Variants in XRCC4 observed in about 807,000 individuals in gnomAD.
XRCC4 encodes X-ray repair cross complementing 4.
Under a neutral mutation model 39.1 loss-of-function variants are expected in XRCC4, and 28 were observed. That is an observed-to-expected ratio of 0.72 (90% CI 0.53 to 0.98). XRCC4 has a LOEUF of 0.98. Among genes scored for constraint, XRCC4 ranks in the 50% least tolerant of loss-of-function variants. XRCC4 has a pLI of 0.00. For missense variants in XRCC4, 350 were observed against 376.4 expected, an observed-to-expected ratio of 0.93 and a Z score of 0.58; for synonymous variants, 123 against 126.4, an observed-to-expected ratio of 0.97 and a Z score of 0.18.
chr5:83,215,763 G>C (rs899508686), intron 6 of XRCC4, among the ~76,000 whole-genome samples: 1 of 151,990 alleles, frequency 6.6e-6, no homozygotes, highest in Admixed American at 6.6e-5. Context: ...TGGACAATTG[G>C]GTATCGACTT....
intron 7 of XRCC4, among the ~76,000 whole-genome samples, chr5:83,313,950 C>T (rs191133898): frequency 7.1e-6 from 1 of 140,868 alleles, no homozygotes; most frequent in Non-Finnish European, 1.5e-5. Context: ...TATTTAATTA[C>T]TACATAGCTT....
chr5:83,144,470 A>C (rs532046659), intron 3 of XRCC4, among the ~76,000 whole-genome samples: 3 of 151,624 alleles, frequency 2.0e-5, no homozygotes, highest in African/African-American at 7.3e-5. Flanking sequence ...CCATGCATGC[A>C]TATACCATAT....
intron 2 of XRCC4, among the ~76,000 whole-genome samples, chr5:83,108,578 T>A (rs1746304914): frequency 6.6e-6 from 1 of 151,876 alleles, no homozygotes; most frequent in African/African-American, 2.4e-5. Context: ...AATGAATGAT[T>A]ACATATTTTC....
At position 83,094,990 on chromosome 5, in the gene XRCC4, T is replaced by C. The variant is rs1226922723; in HGVS notation, c.-10-9920T>C. Among the ~76,000 whole-genome samples, 4 of 152,114 alleles carry C rather than the reference T, an allele frequency of 2.6e-5. No individual in the cohort carries two copies. The East Asian group carries it at 7.7e-4, about 29-fold the overall frequency. On this transcript the variant is annotated intron_variant, in intron 1 of 7. Transcript: ENST00000396027. ...GAGGTGTCATGATTTCCTGAGTCTTTGTAATCCTGTGTCCTTGTGTTGGTG... is the reference window on the plus strand; with the variant it reads ...GAGGTGTCATGATTTCCTGAGTCTTCGTAATCCTGTGTCCTTGTGTTGGTG...
intron 7 of XRCC4, among the ~76,000 whole-genome samples, chr5:83,261,160 A>T (rs527470156): frequency 6.6e-6 from 1 of 151,052 alleles, no homozygotes; most frequent in Admixed American, 6.6e-5. Context: ...TTTTAATGAA[A>T]AAAAGAAGCT....
chr5:83,354,793 C>A (rs1159595424), downstream of XRCC4, among the ~76,000 whole-genome samples: 1 of 152,108 alleles, frequency 6.6e-6, no homozygotes, highest in African/African-American at 2.4e-5. Flanking sequence ...CCTTGCACAT[C>A]CTGTTATTTT....
In XRCC4 at chr5:83,141,843, CAAA is replaced by C. The variant is rs11284035; in HGVS notation, c.315+30651_315+30653del. 3.6e-3 allele frequency among the ~76,000 whole-genome samples: 495 copies of C among 137,702 alleles called. 3 individuals are homozygous for C. The highest frequency in any genetic ancestry group is 0.012 in the African/African-American group (471 of 39,098). 90.3% of individuals were successfully genotyped at this position (137,702 alleles called of 152,430 possible). A position where few individuals can be genotyped will look rare whatever the true frequency, so the allele number is the denominator to read the frequency against. On this transcript the variant is annotated intron_variant, in intron 3 of 7. Coordinates refer to ENST00000396027, the MANE Select transcript of XRCC4 (RefSeq NM_003401.5). ...GGTCTCAGATATTCTGAATCTTGTA[CAAA>C]AAAAAAAAAATGCTGTTTCAATCTG...
downstream of XRCC4, among the ~76,000 whole-genome samples, chr5:83,358,406 C>T (rs1358899399): frequency 6.6e-6 from 1 of 151,998 alleles, no homozygotes; most frequent in Non-Finnish European, 1.5e-5. Flanking sequence ...TTCCTCTCCT[C>T]TATTTAAATA....
chr5:83,300,614 G>T (rs1168032701), intron 7 of XRCC4, among the ~76,000 whole-genome samples: 1 of 145,650 alleles, frequency 6.9e-6, no homozygotes, highest in Admixed American at 7.0e-5. Context: ...TAAGTTCTGG[G>T]ATACATATGC....
In XRCC4 at chr5:83,238,027, G is replaced by T. The variant is rs1580408835; in HGVS notation, c.746-20503G>T. 3.3e-5 allele frequency among the ~76,000 whole-genome samples: 5 copies of T among 152,164 alleles called. No homozygotes were observed. In the South Asian group the frequency reaches 1.0e-3, roughly 32 times the overall value. The stretch of plus-strand genomic sequence containing the variant: ...TAGTAGAAATTGGTAATAGTATTAT[G>T]AAGATAACATAAATTAGCCCAGTAC... On this transcript the variant is annotated intron_variant, in intron 6 of 7. Coordinates refer to ENST00000396027, the MANE Select transcript of XRCC4 (RefSeq NM_003401.5).
rs28383113 is a variant in XRCC4, at chr5:83,077,580, C to A, written c.-46C>A. 2 of 515,328 alleles carry A rather than the reference C, an allele frequency of 3.9e-6. No homozygotes were observed. Among genetic ancestry groups the A allele is most frequent in the Non-Finnish European group, 7.0e-6 (2 of 284,422 alleles). The allele number at this position is 515,328 out of a possible 1,614,324, so 31.9% of individuals were successfully genotyped here. ...CAAAACCTTGATCTGTGAAAGCGGG[C>A]GTTTTGGAAGATACCGGAAGTAGAG... On this transcript the variant is annotated 5_prime_UTR_variant, in exon 1 of 8. Transcript: ENST00000396027.
intron 7 of XRCC4, among the ~76,000 whole-genome samples, chr5:83,315,846 T>G (rs879560433): frequency 1.8e-4 from 28 of 152,176 alleles, no homozygotes; most frequent in Non-Finnish European, 3.5e-4. Context: ...TCATGCCTGC[T>G]AACACAACAT....
chr5:83,296,821 A>G (rs769601339), intron 7 of XRCC4, among the ~76,000 whole-genome samples: 85 of 151,908 alleles, frequency 5.6e-4, no homozygotes, highest in Admixed American at 3.7e-3. Flanking sequence ...AAAATTATAA[A>G]TAGAGATTAC....
chr5:83,220,123 A>C (rs1010720569), intron 6 of XRCC4, among the ~76,000 whole-genome samples: 3 of 152,124 alleles, frequency 2.0e-5, no homozygotes, highest in African/African-American at 7.2e-5. Flanking sequence ...GAAAGGCAAA[A>C]GGTATTGTAC....
chr5:83,271,648 T>C (rs1363647104), intron 7 of XRCC4, among the ~76,000 whole-genome samples: 1 of 152,186 alleles, frequency 6.6e-6, no homozygotes, highest in Non-Finnish European at 1.5e-5. Context: ...AATTTACTAA[T>C]ATAAAATAGA....
chr5:83,320,382 T>TA lies in XRCC4; in HGVS notation c.894-32742dup, dbSNP rs1561473513. On this transcript the variant is annotated intron_variant, in intron 7 of 7. Coordinates refer to ENST00000396027, the MANE Select transcript of XRCC4 (RefSeq NM_003401.5). ...TAAAAAATAAAAAATAAAAAAATAA[T>TA]AAAAAAATAAAAAAAAAAAGAAATA... Among the ~76,000 whole-genome samples the TA allele has an allele frequency of 8.5e-5, 12 of 141,144 alleles. No homozygotes were observed. In the East Asian group the frequency reaches 1.1e-3, roughly 12 times the overall value. The allele number at this position is 141,144 out of a possible 152,430, so 92.6% of individuals were successfully genotyped here.
chr5:83,158,526 A>T (rs1390742551), intron 3 of XRCC4, among the ~76,000 whole-genome samples: 3 of 152,158 alleles, frequency 2.0e-5, no homozygotes, highest in Non-Finnish European at 1.5e-5. Flanking sequence ...AATAGCAGTT[A>T]TTGAATGCCA....
At chr5:83,210,623 T>C (rs935078175) in intron 6 of XRCC4, among the ~76,000 whole-genome samples, 6 of 151,624 alleles carry the variant, frequency 4.0e-5, no homozygotes, top group African/African-American at 1.2e-4. Context: ...TTTCTAACAA[T>C]GAGGAAATTG....
At chr5:83,246,906 G>A (rs1296669224) in intron 6 of XRCC4, among the ~76,000 whole-genome samples, 1 of 152,166 alleles carries the variant, frequency 6.6e-6, no homozygotes, top group African/African-American at 2.4e-5. Context: ...CCAGTTTCAA[G>A]AGTAAAATAT....
Sources: gnomAD v4.1 joint callset for allele counts (sites outside exome capture counted in the v4.1 genomes callset) on GRCh38, gnomAD v4.1.1 for gene constraint, MANE v1.5 for transcripts, NCBI Gene and HGNC (gene_info 2026-07-23, HGNC 2026-07-21) for gene names.